The following PRPF3 variants were observed in gnomAD, a reference collection of about 807,000 sequenced individuals.
PRPF3 encodes the protein pre-mRNA processing factor 3.
PRPF3 carries 3 observed loss-of-function variants against 89.2 expected under a neutral mutation model. That is an observed-to-expected ratio of 0.03 (90% CI 0.02 to 0.09). The LOEUF (loss-of-function observed/expected upper bound fraction) is 0.09. PRPF3 is among the 10% of genes least tolerant of loss of function. The pLI, the probability that PRPF3 is intolerant of heterozygous loss-of-function variation, is 1.00. For missense variants in PRPF3, 463 were observed against 828.8 expected (o/e 0.56, Z 5.42); for synonymous variants, 270 against 289.1 (o/e 0.93, Z 0.67).
rs1655333135 is a variant in PRPF3 at position 150,323,474 on chromosome 1, A to C, written c.-48-1421A>C. 2.0e-5 allele frequency among the ~76,000 whole-genome samples: 3 copies of C among 151,832 alleles called. No individual in the cohort carries two copies. In the South Asian group the frequency reaches 6.3e-4, roughly 32 times the overall value. ...GATATGGTGAAACCGTGTCTTTATT[A>C]AAACTACGAAATTGGCCAGGCGTGG... On this transcript the variant is annotated intron_variant, in intron 1 of 15. Transcript: ENST00000324862.
intron 9 of PRPF3, among the ~76,000 whole-genome samples, chr1:150,340,852 G>A (rs781788964): frequency 1.3e-5 from 2 of 152,084 alleles, no homozygotes; most frequent in African/African-American, 4.8e-5. Flanking sequence ...GCTTATGCCT[G>A]TAATCACTGC....
intron 1 of PRPF3, among the ~76,000 whole-genome samples, chr1:150,323,800 G>A (rs1483192426): frequency 1.1e-4 from 13 of 121,444 alleles, no homozygotes; most frequent in Admixed American, 3.9e-4. Context: ...TTTTTGAGAC[G>A]GAGTCTTACT....
Position 150,335,146 on chromosome 1 carries a change from C to G in PRPF3, c.940C>G (p.Arg314Gly). The change falls in exon 7 of 16, where the codon CGA becomes GGA. Residue 314 changes from arginine (R) to glycine (G), a missense_variant. Transcript: ENST00000324862. Reference protein sequence around the residue: ...DMESNTFFDPRVSIAPSQRQR... With the variant: ...DMESNTFFDPGVSIAPSQRQR... ...GGAATCCAATACCTTTTTTGACCCC[C>G]GAGTCTCCATTGCCCCTTCCCAGCG... The G allele has an allele frequency of 6.2e-7, 1 of 1,613,928 alleles. No individual in the cohort carries two copies. Among genetic ancestry groups the G allele is most frequent in the Non-Finnish European group, 8.5e-7 (1 of 1,179,940 alleles).
At position 150,346,405 on chromosome 1, in the gene PRPF3, C is replaced by T; in HGVS notation, c.1760-3C>T. The T allele has an allele frequency of 1.2e-6, 2 of 1,613,250 alleles. No individual in the cohort carries two copies. The highest frequency in any genetic ancestry group is 1.7e-6 in the Non-Finnish European group (2 of 1,179,308). On this transcript the variant is annotated splice_polypyrimidine_tract_variant and splice_region_variant and intron_variant, in intron 13 of 15. Transcript: ENST00000324862. ...TGGCAAAATTATTCTTCTCTGTTTC[C>T]AGGCCCCAAGGCCCAGAAGAAATTT...
At chr1:150,340,331 C>T in intron 8 of PRPF3, 67 bp from the exon 9 acceptor site, 1 of 1,199,024 alleles carries the variant, frequency 8.3e-7, no homozygotes, top group South Asian at 1.2e-5. Context: ...CATTGTATTT[C>T]TGAGACTCCT....
chr1:150,341,125 A>AG (rs1351952689), intron 9 of PRPF3, among the ~76,000 whole-genome samples: 26 of 142,086 alleles, frequency 1.8e-4, no homozygotes, highest in African/African-American at 6.6e-4. Flanking sequence ...AAAAAAAAAA[A>AG]AAGAAGAAAG....
At chr1:150,327,623 A>G (rs1553864167) in intron 3 of PRPF3, 1 of 985,746 alleles carries the variant, frequency 1.0e-6, no homozygotes, top group Non-Finnish European at 1.2e-6. Context: ...CTCCTAGTGA[A>G]GAGGGGATGT....
At position 150,346,518 on chromosome 1, in the gene PRPF3, G is replaced by C. The variant is rs1553872999; in HGVS notation, c.1843+27G>C. Reference sequence around the variant, plus strand: ...TGAATGGGGGTTAGAGGGGATTAAGGGGGAGAGCTATGGGAGGTGGGGATG... The same window carrying C: ...TGAATGGGGGTTAGAGGGGATTAAGCGGGAGAGCTATGGGAGGTGGGGATG... On this transcript the variant is annotated intron_variant, in intron 14 of 15. Transcript: ENST00000324862. 4 of 1,586,502 alleles carry C rather than the reference G, an allele frequency of 2.5e-6. No individual in the cohort carries two copies. The South Asian group carries it at 4.4e-5, about 18-fold the overall frequency.
chr1:150,346,582 C>T, intron 14 of PRPF3, 91 bp downstream of exon 14: 1 of 1,283,680 alleles, frequency 7.8e-7, no homozygotes. Flanking sequence ...CCCTGTGACA[C>T]TCTTGATAAC....
At chr1:150,325,119 A>C in intron 2 of PRPF3, 32 bp downstream of exon 2, 2 of 1,609,328 alleles carry the variant, frequency 1.2e-6, no homozygotes. Flanking sequence ...TTATCTTAAC[A>C]TATAGGGTGA....
chr1:150,330,064 T>C (rs924618428), intron 4 of PRPF3: 2 of 151,748 alleles, frequency 1.3e-5, no homozygotes, highest in Non-Finnish European at 2.9e-5. Flanking sequence ...CTAGCCTGTT[T>C]TTGTTTTTCA....
chr1:150,322,615 A>C (rs1275272271), intron 1 of PRPF3, among the ~76,000 whole-genome samples: 1 of 152,218 alleles, frequency 6.6e-6, no homozygotes, highest in Non-Finnish European at 1.5e-5. Context: ...AAAATCTTTC[A>C]GTCTTAGTTT....
At chr1:150,344,110 C>T in intron 10 of PRPF3, 52 bp from the exon 11 acceptor site, 3 of 1,485,334 alleles carry the variant, frequency 2.0e-6, no homozygotes, top group Non-Finnish European at 2.8e-6. Context: ...ACAAGTTACT[C>T]CAGCTGGAGA....
intron 12 of PRPF3, 125 bp downstream of exon 12, chr1:150,344,672 C>T: frequency 9.7e-7 from 1 of 1,025,760 alleles, no homozygotes; most frequent in Admixed American, 2.0e-5. Context: ...TTTAATGACC[C>T]TAGTGTGGAT....
At chr1:150,332,605 C>A in intron 4 of PRPF3, 79 bp from the exon 5 acceptor site, 1 of 1,347,156 alleles carries the variant, frequency 7.4e-7, no homozygotes, top group Non-Finnish European at 1.1e-6. Flanking sequence ...GACCTGAGAG[C>A]CTTGTGGGTT....
At chr1:150,339,937 G>T (rs778973558) in intron 8 of PRPF3, among the ~76,000 whole-genome samples, 30 of 151,900 alleles carry the variant, frequency 2.0e-4, no homozygotes, top group Non-Finnish European at 4.0e-4. Flanking sequence ...GGCCAAACTG[G>T]TCTCAAACTC....
At chr1:150,349,354 A>G (rs1457674713) in intron 15 of PRPF3, 136 bp downstream of exon 15, 5 of 761,738 alleles carry the variant, frequency 6.6e-6, no homozygotes, top group Admixed American at 2.2e-5. Context: ...TTTGGAATCC[A>G]TTTTTAAATG....
At chr1:150,347,542 C>T (rs1553873258) in intron 14 of PRPF3, among the ~76,000 whole-genome samples, 1 of 151,968 alleles carries the variant, frequency 6.6e-6, no homozygotes, top group East Asian at 1.9e-4. Flanking sequence ...ACAGCCTGGC[C>T]AACATGGTGA....
chr1:150,342,209 G>A (rs1318111639), intron 9 of PRPF3, among the ~76,000 whole-genome samples: 1 of 151,480 alleles, frequency 6.6e-6, no homozygotes, highest in East Asian at 2.0e-4. Context: ...GTGAAACCCC[G>A]TCTCTACTAA....
Sources: allele counts gnomAD v4.1 joint callset (sites outside exome capture counted in the v4.1 genomes callset), GRCh38; gene constraint gnomAD v4.1.1; transcripts MANE v1.5; gene names NCBI Gene and HGNC (gene_info 2026-07-23, HGNC 2026-07-21).